The following TRIM37 variants were observed in gnomAD, a reference collection of about 807,000 sequenced individuals.
TRIM37 encodes the protein E3 ubiquitin-protein ligase TRIM37.
Under a neutral mutation model 129.8 loss-of-function variants are expected in TRIM37, and 80 were observed. The ratio of observed to expected loss-of-function variants is 0.62; its 90% confidence interval spans 0.51 to 0.74. The LOEUF (loss-of-function observed/expected upper bound fraction) is 0.74. TRIM37 is among the 30% of genes least tolerant of loss of function. TRIM37 has a pLI of 0.00. For missense variants in TRIM37, 1,054 were observed against 1,176.5 expected (o/e 0.90, Z 1.52); for synonymous variants, 389 against 387.1 (o/e 1.00, Z -0.06).
chr17:59,052,068 G>A (rs1050055403), intron 13 of TRIM37, among the ~76,000 whole-genome samples: 4 of 151,800 alleles, frequency 2.6e-5, no homozygotes, highest in African/African-American at 9.7e-5. Flanking sequence ...ACTATATCCT[G>A]AACCCTTCAA....
chr17:58,983,602 T>G (rs753707357), intron 24 of TRIM37: 1 of 152,668 alleles, frequency 6.6e-6, no homozygotes, highest in Non-Finnish European at 1.5e-5. Flanking sequence ...ACCTGGTGAT[T>G]GTAAAAATAT....
chr17:59,101,808 G>A (rs568957811), intron 2 of TRIM37, among the ~76,000 whole-genome samples: 68 of 149,696 alleles, frequency 4.5e-4, no homozygotes, highest in Non-Finnish European at 7.3e-4. Context: ...GCATCATGGA[G>A]TGCGCTGATA....
chr17:59,080,974 C>A, intron 6 of TRIM37, 123 bp downstream of exon 6: 1 of 451,558 alleles, frequency 2.2e-6, no homozygotes. Flanking sequence ...ATAGGTACAG[C>A]CTATCAAATT....
intron 10 of TRIM37, among the ~76,000 whole-genome samples, chr17:59,063,168 CTTT>C (rs1015376331): frequency 7.1e-6 from 1 of 141,268 alleles, no homozygotes. Context: ...TTCTGTGTGG[CTTT>C]TTTTTTTTTT....
In TRIM37 at chr17:59,091,348, G is replaced by T. The variant is rs527649689; in HGVS notation, c.124-8C>A. 3.9e-6 allele frequency: 6 copies of T among 1,531,728 alleles called. No homozygotes were observed. The South Asian group carries it at 7.2e-5, about 18-fold the overall frequency. 94.9% of individuals were successfully genotyped at this position (1,531,728 alleles called of 1,614,324 possible). ...CTGCTCTGTCAGCCAGCGCTAAGGGGGCAAAAGATTAGATATCGATTAGAA... is the reference window on the plus strand; with the variant it reads ...CTGCTCTGTCAGCCAGCGCTAAGGGTGCAAAAGATTAGATATCGATTAGAA... On this transcript the variant is annotated splice_polypyrimidine_tract_variant and splice_region_variant and intron_variant, in intron 2 of 23. Coordinates refer to ENST00000262294, the MANE Select transcript of TRIM37 (RefSeq NM_015294.6).
In TRIM37 at chr17:59,051,449, G is replaced by T. The variant is rs114872023; in HGVS notation, c.1200-121C>A. Reference sequence around the variant, plus strand: ...AGGCCAAAATTCACATAAACTTAGAGCTGCTAGTATTTGTTGTTTATAGAT... The same window carrying T: ...AGGCCAAAATTCACATAAACTTAGATCTGCTAGTATTTGTTGTTTATAGAT... On this transcript the variant is annotated intron_variant, in intron 13 of 23. Transcript: ENST00000262294. 7.6e-4 allele frequency: 545 copies of T among 720,136 alleles called. 2 individuals carry two copies. The African/African-American group carries it at 8.8e-3, about 12-fold the overall frequency. The allele number at this position is 720,136 out of a possible 1,614,324, so 44.6% of individuals were successfully genotyped here.
chr17:59,051,188 CAAAACAG>C lies in TRIM37; in HGVS notation c.1314+19_1314+25del. On this transcript the variant is annotated intron_variant, in intron 14 of 23. Coordinates refer to ENST00000262294, the MANE Select transcript of TRIM37 (RefSeq NM_015294.6). Reference sequence around the variant, plus strand: ...AAGCCAAAAGGACAATAGGAAACACCAAAACAGAAATAGATATTTTCTTACCTCTTTA... The same window carrying C: ...AAGCCAAAAGGACAATAGGAAACACCAAATAGATATTTTCTTACCTCTTTA... 6.8e-7 allele frequency: 1 copy of C among 1,470,840 alleles called. No individual in the cohort carries two copies. The highest frequency in any genetic ancestry group is 9.5e-7 in the Non-Finnish European group (1 of 1,051,554). 91.1% of individuals were successfully genotyped at this position (1,470,840 alleles called of 1,614,324 possible). A position where few individuals can be genotyped will look rare whatever the true frequency, so the allele number is the denominator to read the frequency against.
At chr17:59,099,868 ATCTCGGCT>A (rs1397729756) in intron 2 of TRIM37, among the ~76,000 whole-genome samples, 2 of 152,088 alleles carry the variant, frequency 1.3e-5, no homozygotes, top group Non-Finnish European at 2.9e-5. Flanking sequence ...CAATGGTGCG[ATCTCGGCT>A]CACCACAACC....
chr17:59,098,689 G>C (rs1191812676), intron 2 of TRIM37, among the ~76,000 whole-genome samples: 1 of 142,692 alleles, frequency 7.0e-6, no homozygotes, highest in East Asian at 2.0e-4. Flanking sequence ...AAAAAAAAAG[G>C]CTAATTTTAC....
At chr17:58,969,126 A>C in the TRIM37 span, among the ~76,000 whole-genome samples, 2 of 152,184 alleles carry the variant, frequency 1.3e-5, no homozygotes, top group Non-Finnish European at 2.9e-5. Context: ...TTTTGCTATT[A>C]AAGTACTTTC....
Position 59,088,390 on chromosome 17 carries a change from C to A in TRIM37, c.182G>T (p.Arg61Leu), listed in dbSNP as rs1047860539. Residue 61 changes from arginine (R) to leucine (L), a missense_variant, in exon 4 of 24, where the codon CGA becomes CTA. Around this residue, in one of 3 missense-constraint regions of TRIM37, gnomAD observed 752 missense variants for 870.8 expected, o/e 0.86. Transcript: ENST00000262294. ...TGCCCAACGACAATTTACTAGTTCTCGTAGCTGGAGTGGAGCACTGGGGAG... is the reference window on the plus strand; with the variant it reads ...TGCCCAACGACAATTTACTAGTTCTAGTAGCTGGAGTGGAGCACTGGGGAG... ...CPHCRAPLQL[R>L]ELVNCRWAEE... 1.9e-6 allele frequency: 3 copies of A among 1,612,774 alleles called. No homozygotes were observed. The African/African-American group carries it at 4.0e-5, about 22-fold the overall frequency.
intron 19 of TRIM37, among the ~76,000 whole-genome samples, chr17:59,019,830 G>A (rs1385581943): frequency 6.6e-6 from 1 of 152,080 alleles, no homozygotes; most frequent in Non-Finnish European, 1.5e-5. Flanking sequence ...CTAGGGAGAG[G>A]GTTAATGAAA....
chr17:59,055,344 A>C (rs1409612429), intron 13 of TRIM37, among the ~76,000 whole-genome samples: 10 of 151,062 alleles, frequency 6.6e-5, no homozygotes, highest in African/African-American at 2.4e-4. Flanking sequence ...AAAAAAAAAA[A>C]AAAAAAAAAA....
At chr17:59,003,947 T>C (rs1054431841) in intron 22 of TRIM37, among the ~76,000 whole-genome samples, 1 of 125,780 alleles carries the variant, frequency 8.0e-6, no homozygotes, top group Non-Finnish European at 1.8e-5. Flanking sequence ...AAAAAAAAAA[T>C]TTAAAAATTA....
chr17:59,087,964 G>T, intron 4 of TRIM37: 1 of 504,344 alleles, frequency 2.0e-6, no homozygotes, highest in South Asian at 2.4e-5. Context: ...ACTTAACACT[G>T]TATTATCACT....
chr17:59,026,743 C>T lies in TRIM37; in HGVS notation c.2257+1672G>A, dbSNP rs540796832. On this transcript the variant is annotated intron_variant, in intron 19 of 23. Transcript: ENST00000262294. ...GAAGTTGTGCATTTGTGCTCTGGTCCCTGACCTCATTCACTCTTCTGCTAC... is the reference window on the plus strand; with the variant it reads ...GAAGTTGTGCATTTGTGCTCTGGTCTCTGACCTCATTCACTCTTCTGCTAC... Among the ~76,000 whole-genome samples the T allele has an allele frequency of 2.6e-5, 4 of 152,188 alleles. No individual in the cohort carries two copies. The East Asian group carries it at 7.7e-4, about 29-fold the overall frequency.
At chr17:58,983,471 G>C (rs1228776192) in intron 24 of TRIM37, 2 of 152,666 alleles carry the variant, frequency 1.3e-5, no homozygotes, top group South Asian at 2.1e-4. Flanking sequence ...CTGGTGATAG[G>C]AAGTAGTTCC....
intron 19 of TRIM37, among the ~76,000 whole-genome samples, chr17:59,020,216 G>GC (rs2036431416): frequency 9.8e-6 from 1 of 102,260 alleles, no homozygotes; most frequent in Admixed American, 1.6e-4. Flanking sequence ...GGTGGACAGA[G>GC]CGAGACTCTG....
intron 17 of TRIM37, among the ~76,000 whole-genome samples, chr17:59,038,520 G>A (rs1322190220): frequency 6.6e-6 from 1 of 152,082 alleles, no homozygotes; most frequent in Non-Finnish European, 1.5e-5. Flanking sequence ...TAAGAACAGG[G>A]ATATCTTGTT....
Sources: gnomAD v4.1 joint callset for allele counts (sites outside exome capture counted in the v4.1 genomes callset) on GRCh38, gnomAD v4.1.1 for gene constraint, gnomAD v4.1.1 regional missense constraint, MANE v1.5 for transcripts, NCBI Gene and HGNC (gene_info 2026-07-23, HGNC 2026-07-21) for gene names.